PCDH11X: variants seen among roughly 807,000 people sequenced by gnomAD.
PCDH11X encodes protocadherin 11 X-linked.
In PCDH11X, 18 loss-of-function variants were observed where a neutral mutation model predicts 53.3. The ratio of observed to expected loss-of-function variants is 0.34; its 90% confidence interval spans 0.23 to 0.50. The LOEUF is 0.50. Among genes scored for constraint, PCDH11X ranks in the 20% least tolerant of loss-of-function variants. The pLI is 0.98. For missense variants in PCDH11X, 570 were observed against 1,032.4 expected, an observed-to-expected ratio of 0.55 and a Z score of 6.14; for synonymous variants, 279 against 393.3, an observed-to-expected ratio of 0.71 and a Z score of 3.44.
chrX:92,542,157 T>G (rs929055892), intron 10 of PCDH11X, among the ~76,000 whole-genome samples: 5 of 111,917 alleles, frequency 4.5e-5, no homozygotes, highest in African/African-American at 9.7e-5. Context: ...AAATTTCGCT[T>G]AAAAATTCTT....
chrX:92,407,464 C>A (rs1481137251), intron 9 of PCDH11X, among the ~76,000 whole-genome samples: 4 of 108,972 alleles, frequency 3.7e-5, no homozygotes, highest in Non-Finnish European at 7.6e-5. Context: ...TTTAATTGTT[C>A]AAATGTGAAA....
chrX:92,145,770 T>C (rs113139524), intron 6 of PCDH11X, among the ~76,000 whole-genome samples: 8,031 of 108,303 alleles, frequency 0.074, 769 homozygotes, highest in African/African-American at 0.26. Context: ...GGTTTAATTT[T>C]GTATAGTTCC....
chrX:92,001,692 T>C (rs1000039472), intron 6 of PCDH11X, among the ~76,000 whole-genome samples: 6 of 110,078 alleles, frequency 5.5e-5, no homozygotes, highest in African/African-American at 2.0e-4. Context: ...GGTCTCGAAC[T>C]CCCGACCTCA....
rs775826336 is a variant in PCDH11X at position 92,579,211 on chromosome X, T to A, written c.3368-39053T>A. ...CTTCACTTCCACTTTGGGGAACTGA[T>A]GATTATGTGTCTTGGGTTTGATCTT... On this transcript the variant is annotated intron_variant, in intron 10 of 10. Transcript: ENST00000682573. Among the ~76,000 whole-genome samples the A allele has an allele frequency of 3.0e-3, 315 of 106,292 alleles. 1 individual carries two copies. Among genetic ancestry groups the A allele is most frequent in the African/African-American group, 0.011 (305 of 28,695 alleles). 92.3% of individuals were successfully genotyped at this position (106,292 alleles called of 115,157 possible).
chrX:92,366,439 C>T (rs979433951), intron 8 of PCDH11X, among the ~76,000 whole-genome samples: 11 of 110,436 alleles, frequency 1.0e-4, no homozygotes, highest in African/African-American at 1.3e-4. Flanking sequence ...TTCATAAAAC[C>T]GGTTCCTGGA....
chrX:91,814,121 CAG>C (rs1936380220), intron 4 of PCDH11X, among the ~76,000 whole-genome samples: 2 of 109,306 alleles, frequency 1.8e-5, no homozygotes, highest in South Asian at 3.9e-4. Context: ...TGCTGGATTA[CAG>C]AGTTTCAAGA....
intron 6 of PCDH11X, among the ~76,000 whole-genome samples, chrX:92,190,557 TCTTA>T (rs1258394807): frequency 4.5e-5 from 5 of 112,042 alleles, no homozygotes; most frequent in South Asian, 3.7e-4. Context: ...TTCTGCAGGT[TCTTA>T]CTTCAAAACA....
intron 10 of PCDH11X, among the ~76,000 whole-genome samples, chrX:92,481,607 C>T (rs959913082): frequency 1.8e-5 from 2 of 110,695 alleles, no homozygotes; most frequent in East Asian, 2.9e-4. Context: ...CCAAGGGGTG[C>T]GCAGGTTGGA....
At chrX:92,022,377 A>C (rs2062899670) in intron 6 of PCDH11X, among the ~76,000 whole-genome samples, 1 of 109,088 alleles carries the variant, frequency 9.2e-6, no homozygotes, top group Non-Finnish European at 1.9e-5. Context: ...AGGGGTTGCC[A>C]TCCTAGTCTC....
intron 8 of PCDH11X, among the ~76,000 whole-genome samples, chrX:92,366,206 T>G (rs939803433): frequency 2.7e-5 from 3 of 111,881 alleles, no homozygotes; most frequent in Non-Finnish European, 5.6e-5. Context: ...CTTCCTGGTT[T>G]AGTCTTGGGA....
rs751091624 is a variant in PCDH11X at position 91,927,993 on chromosome X, A to G, written c.3033+48720A>G. Among the ~76,000 whole-genome samples the G allele has an allele frequency of 1.3e-4, 14 of 111,526 alleles. No individual in the cohort carries two copies. In the South Asian group the frequency reaches 4.9e-3, roughly 39 times the overall value. On this transcript the variant is annotated intron_variant, in intron 6 of 10. Transcript: ENST00000682573. ...TTTAAAGGTAGACTTAGTCTAATTT[A>G]TAGTCCAAATAAATGACCAGATAAA...
intron 6 of PCDH11X, among the ~76,000 whole-genome samples, chrX:92,166,572 A>G (rs2065735500): frequency 9.1e-6 from 1 of 109,818 alleles, no homozygotes; most frequent in African/African-American, 3.3e-5. Flanking sequence ...ATTTTAGCAA[A>G]CACAGAATTT....
At chrX:91,818,537 A>ACG (rs1936526557) in intron 4 of PCDH11X, among the ~76,000 whole-genome samples, 3 of 86,310 alleles carry the variant, frequency 3.5e-5, no homozygotes, top group African/African-American at 2.7e-4. Flanking sequence ...ATCTCTACTA[A>ACG]AAAAAAAAAT....
chrX:92,163,452 C>A (rs751974229), intron 6 of PCDH11X, among the ~76,000 whole-genome samples: 108 of 110,448 alleles, frequency 9.8e-4, no homozygotes, highest in African/African-American at 3.5e-3. Flanking sequence ...CCCCAAGGAC[C>A]CCTGTGAGAC....
rs1418270592 is a variant in PCDH11X at position 92,481,286 on chromosome X, ACACACACACACACCC to A, written c.3367+12993_3367+13007del. 8.0e-3 allele frequency among the ~76,000 whole-genome samples: 766 copies of A among 96,341 alleles called. 9 individuals are homozygous for A. The highest frequency in any genetic ancestry group is 0.026 in the Middle Eastern group (5 of 189). 83.7% of individuals were successfully genotyped at this position (96,341 alleles called of 115,157 possible). A position where few individuals can be genotyped will look rare whatever the true frequency, so the allele number is the denominator to read the frequency against. ...TGGCAGCAGTGGAAGGGCAGGGTTC[ACACACACACACACCC>A]CACACACACACACCCCACACACACA... is the stretch of plus-strand genomic sequence containing the variant. On this transcript the variant is annotated intron_variant, in intron 10 of 10. Transcript: ENST00000682573.
At chrX:91,807,256 G>C (rs1936148823) in intron 1 of PCDH11X, among the ~76,000 whole-genome samples, 1 of 110,117 alleles carries the variant, frequency 9.1e-6, no homozygotes. Context: ...GAGGTAGGAG[G>C]ATTGGTCAAG....
At chrX:92,419,088 A>T (rs1288884723) in intron 9 of PCDH11X, among the ~76,000 whole-genome samples, 1 of 102,514 alleles carries the variant, frequency 9.8e-6, no homozygotes, top group Non-Finnish European at 2.0e-5. Flanking sequence ...AGGATTGTTA[A>T]TTCTTCTTGG....
intron 6 of PCDH11X, among the ~76,000 whole-genome samples, chrX:91,890,257 A>G (rs1480979972): frequency 8.9e-6 from 1 of 111,747 alleles, no homozygotes; most frequent in Non-Finnish European, 1.9e-5. Context: ...CTTCAAACTA[A>G]AGAAAGCTTG....
chrX:92,079,057 T>C (rs766541687), intron 6 of PCDH11X, among the ~76,000 whole-genome samples: 1 of 110,523 alleles, frequency 9.0e-6, no homozygotes, highest in Admixed American at 9.7e-5. Flanking sequence ...AATGTAGTCA[T>C]TTGTAATAAA....
Sources: allele counts gnomAD v4.1 joint callset (sites outside exome capture counted in the v4.1 genomes callset), GRCh38; gene constraint gnomAD v4.1.1; transcripts MANE v1.5; gene names NCBI Gene and HGNC (gene_info 2026-07-23, HGNC 2026-07-21).